The following ELMO1 variants were observed in gnomAD, a reference collection of about 807,000 sequenced individuals.
ELMO1 encodes the protein engulfment and cell motility 1, also known as engulfment and cell motility protein 1.
A neutral mutation model predicts 98.9 loss-of-function variants in ELMO1; 26 were observed. That is an observed-to-expected ratio of 0.26 (90% CI 0.19 to 0.36). ELMO1 has a LOEUF of 0.36. Ranked by LOEUF, ELMO1 falls within the 10% of genes least tolerant of loss-of-function variation. The pLI is 1.00. For synonymous variants in ELMO1, 346 were observed against 346.0 expected, an observed-to-expected ratio of 1.00 and a Z score of 0.00; for missense variants, 627 against 935.2, an observed-to-expected ratio of 0.67 and a Z score of 4.30.
chr7:37,086,743 C>CAAAAAAAA (rs755237121), intron 15 of ELMO1, among the ~76,000 whole-genome samples: 14 of 48,774 alleles, frequency 2.9e-4, no homozygotes, highest in Non-Finnish European at 4.9e-4. Flanking sequence ...ATCCTGTCTC[C>CAAAAAAAA]AAAAAAAAAA....
rs538878836 is a variant in ELMO1, at chr7:37,440,570, A to G, written c.-74+8105T>C. ...TGGATCACGAGGTCAGGAGTTTGAG[A>G]CAAGCCTGACCAACATGGTGAAACC... On this transcript the variant is annotated intron_variant, in intron 1 of 21. Transcript: ENST00000310758. 2.0e-5 allele frequency among the ~76,000 whole-genome samples: 3 copies of G among 152,126 alleles called. No homozygotes were observed. In the East Asian group the frequency reaches 5.8e-4, roughly 29 times the overall value.
At position 36,924,498 on chromosome 7, in the gene ELMO1, C is replaced by T. The variant is rs537068534; in HGVS notation, c.1438-29481G>A. 9.3e-4 allele frequency among the ~76,000 whole-genome samples: 141 copies of T among 152,290 alleles called. 1 individual carries two copies. Among genetic ancestry groups the T allele is most frequent in the African/African-American group, 3.2e-3 (131 of 41,552 alleles). ...AATCCCAGAGACCTCAGGAGGAGTA[C>T]GTCCTCTTAGCACTGCCTTTAAAAA... On this transcript the variant is annotated intron_variant, in intron 16 of 21. Coordinates refer to ENST00000310758, the MANE Select transcript of ELMO1 (RefSeq NM_014800.11).
chr7:37,053,662 T>C (rs991800731), intron 15 of ELMO1, among the ~76,000 whole-genome samples: 1 of 152,216 alleles, frequency 6.6e-6, no homozygotes, highest in Non-Finnish European at 1.5e-5. Context: ...CTGGAAACTA[T>C]ATTTTTGTGA....
chr7:36,902,502 A>G (rs1188074832), intron 16 of ELMO1, among the ~76,000 whole-genome samples: 1 of 152,218 alleles, frequency 6.6e-6, no homozygotes, highest in East Asian at 1.9e-4. Flanking sequence ...AACCCAACCA[A>G]TGCGAAGCTT....
intron 1 of ELMO1, among the ~76,000 whole-genome samples, chr7:37,418,028 G>T (rs1240217340): frequency 1.3e-5 from 2 of 152,126 alleles, no homozygotes. Context: ...TGGACTGCTA[G>T]TTTCTAGAGC....
At chr7:37,427,027 G>GA (rs537450154) in intron 1 of ELMO1, among the ~76,000 whole-genome samples, 82 of 150,794 alleles carry the variant, frequency 5.4e-4, no homozygotes, top group African/African-American at 1.9e-3. Flanking sequence ...CCGAAAAAAA[G>GA]AAAAAAATCA....
At chr7:37,423,375 T>C (rs1186422528) in intron 1 of ELMO1, among the ~76,000 whole-genome samples, 1 of 151,804 alleles carries the variant, frequency 6.6e-6, no homozygotes, top group Admixed American at 6.6e-5. Context: ...AGGTCAGGAG[T>C]TTGAGACCAG....
intron 1 of ELMO1, among the ~76,000 whole-genome samples, chr7:37,433,108 C>A (rs78765365): frequency 0.012 from 1,868 of 152,282 alleles, 29 homozygotes; most frequent in African/African-American, 0.043. Context: ...GACCTTGGGT[C>A]TTCAGCAAAA....
At chr7:37,063,277 G>A (rs897367706) in intron 15 of ELMO1, among the ~76,000 whole-genome samples, 2 of 152,186 alleles carry the variant, frequency 1.3e-5, no homozygotes, top group African/African-American at 2.4e-5. Context: ...GAGGAGGGCT[G>A]TAGGTTGTAT....
At chr7:37,394,647 T>G (rs1041590874) in intron 1 of ELMO1, among the ~76,000 whole-genome samples, 2 of 151,952 alleles carry the variant, frequency 1.3e-5, no homozygotes, top group African/African-American at 4.8e-5. Context: ...GCAGGAACAG[T>G]GTGGAGGAAA....
At chr7:36,897,960 T>C (rs1806172342) in intron 16 of ELMO1, among the ~76,000 whole-genome samples, 1 of 152,128 alleles carries the variant, frequency 6.6e-6, no homozygotes, top group Non-Finnish European at 1.5e-5. Context: ...AGGACAGAGG[T>C]TGGTGGAGTC....
intron 15 of ELMO1, among the ~76,000 whole-genome samples, chr7:37,074,800 T>A (rs1408104978): frequency 6.6e-6 from 1 of 152,128 alleles, no homozygotes; most frequent in East Asian, 1.9e-4. Context: ...GAGTTGCAAA[T>A]GGGCAAAATG....
At chr7:37,008,546 T>C (rs1437486698) in intron 16 of ELMO1, among the ~76,000 whole-genome samples, 1 of 152,216 alleles carries the variant, frequency 6.6e-6, no homozygotes, top group African/African-American at 2.4e-5. Context: ...TCATTTTTCA[T>C]AGACAGGCTT....
rs536400362 is a variant in ELMO1, at chr7:37,381,344, G to C, written c.-73-38581C>G. On this transcript the variant is annotated intron_variant, in intron 1 of 21. Coordinates refer to ENST00000310758, the MANE Select transcript of ELMO1 (RefSeq NM_014800.11). ...TCAGAGTACCATTTCTCTAATCTGG[G>C]TGACCATAATTATTTAAACCCCCTA... 2.0e-5 allele frequency among the ~76,000 whole-genome samples: 3 copies of C among 152,274 alleles called. No homozygotes were observed. The East Asian group carries it at 5.8e-4, about 29-fold the overall frequency.
intron 21 of ELMO1, among the ~76,000 whole-genome samples, chr7:36,861,054 T>A (rs559890682): frequency 6.6e-6 from 1 of 152,200 alleles, no homozygotes; most frequent in Non-Finnish European, 1.5e-5. Context: ...TTCCAGTTTA[T>A]AAAAGAAAGT....
chr7:36,973,796 G>A (rs1467345435), intron 16 of ELMO1, among the ~76,000 whole-genome samples: 1 of 152,216 alleles, frequency 6.6e-6, no homozygotes, highest in Admixed American at 6.5e-5. Context: ...CGAGCCAGCT[G>A]GAGTTCCAGA....
intron 16 of ELMO1, among the ~76,000 whole-genome samples, chr7:36,927,027 T>C (rs186185780): frequency 1.4e-4 from 22 of 152,330 alleles, no homozygotes; most frequent in Non-Finnish European, 2.6e-4. Flanking sequence ...AGCCTTTTAG[T>C]TTCAAAAAAT....
chr7:36,906,116 C>T (rs942155143), intron 16 of ELMO1, among the ~76,000 whole-genome samples: 2 of 152,190 alleles, frequency 1.3e-5, no homozygotes, highest in African/African-American at 4.8e-5. Flanking sequence ...TGCCATCAGG[C>T]AAGGCTGCTG....
At chr7:37,160,165 G>A (rs1789103590) in intron 13 of ELMO1, among the ~76,000 whole-genome samples, 1 of 152,176 alleles carries the variant, frequency 6.6e-6, no homozygotes, top group Admixed American at 6.5e-5. Flanking sequence ...CAGTGATTAT[G>A]CTATCTTCTC....
Sources: gnomAD v4.1 joint callset for allele counts (sites outside exome capture counted in the v4.1 genomes callset) on GRCh38, gnomAD v4.1.1 for gene constraint, MANE v1.5 for transcripts, NCBI Gene and HGNC (gene_info 2026-07-23, HGNC 2026-07-21) for gene names.